Variants in PLCXD1 observed in about 807,000 individuals in gnomAD.
The protein encoded by PLCXD1 is PI-PLC X domain-containing protein 1.
In PLCXD1, 45 loss-of-function variants were observed where a neutral mutation model predicts 37.8. That is an observed-to-expected ratio of 1.19 (90% confidence interval 0.94 to 1.53). The LOEUF is 1.53. Among genes scored for constraint, PLCXD1 ranks in the 40% most tolerant of loss-of-function variants. The pLI is 0.00. For missense variants in PLCXD1, 539 were observed against 454.7 expected (o/e 1.19, Z -1.69); for synonymous variants, 246 against 206.9 (o/e 1.19, Z -1.62).
chrX:292,087 G>A (rs1365233766), intron 5 of PLCXD1, among the ~76,000 whole-genome samples: 2 of 152,066 alleles, frequency 1.3e-5, no homozygotes, highest in African/African-American at 4.8e-5. Flanking sequence ...GGATCACGAG[G>A]TCAAGAGATT....
upstream of PLCXD1, among the ~76,000 whole-genome samples, chrX:278,010 A>G (rs1417811562): frequency 4.4e-4 from 7 of 16,076 alleles, no homozygotes; most frequent in South Asian, 2.8e-3. Context: ...ATGTGAGGGG[A>G]GGGGTCAGGG....
chrX:279,942 C>T (rs1163794841), upstream of PLCXD1, among the ~76,000 whole-genome samples: 4 of 151,880 alleles, frequency 2.6e-5, no homozygotes, highest in African/African-American at 7.3e-5. Context: ...CTCCGCCTCC[C>T]GGGTTCAAGC....
At position 290,689 on chromosome X, in the gene PLCXD1, C is replaced by T. The variant is rs1363697237; in HGVS notation, c.306C>T (p.Tyr102=). ...VTEQLDAGVR[Y]LDLRIAHMLE... is the part of the protein sequence containing the mutation. ...AGCAGCTGGATGCCGGGGTGCGGTA[C>T]CTGGACCTGCGGATAGCCCACATGC... Residue 102 remains tyrosine (Y), a synonymous_variant, in exon 4 of 7, where the codon TAC becomes TAT. Coordinates refer to ENST00000381657, the MANE Select transcript of PLCXD1 (RefSeq NM_018390.4). 6.2e-7 allele frequency: 1 copy of T among 1,613,592 alleles called. No homozygotes were observed. The highest frequency in any genetic ancestry group is 1.7e-5 in the Admixed American group (1 of 59,988).
chrX:277,898 C>A (rs1157960119), upstream of PLCXD1, among the ~76,000 whole-genome samples: 17 of 45,620 alleles, frequency 3.7e-4, no homozygotes, highest in Non-Finnish European at 6.5e-4. Context: ...GGACACCCCT[C>A]AGTGGTCAGG....
upstream of PLCXD1, among the ~76,000 whole-genome samples, chrX:276,593 C>T (rs765744317): frequency 2.6e-5 from 4 of 152,186 alleles, no homozygotes; most frequent in Admixed American, 6.5e-5. Context: ...GTGGCCTGGA[C>T]GTTGGCAGCC....
intron 2 of PLCXD1, among the ~76,000 whole-genome samples, chrX:287,917 A>C (rs2069509368): frequency 6.6e-6 from 1 of 151,836 alleles, no homozygotes; most frequent in African/African-American, 2.4e-5. Context: ...ACAGAAATTT[A>C]CTCTCTCCCA....
upstream of PLCXD1, among the ~76,000 whole-genome samples, chrX:279,629 C>G (rs1180637133): frequency 6.6e-6 from 1 of 151,994 alleles, no homozygotes; most frequent in Non-Finnish European, 1.5e-5. Context: ...AAAAAATTAG[C>G]TGGGAATGGT....
chrX:290,361 C>T (rs1462645969), intron 3 of PLCXD1, among the ~76,000 whole-genome samples: 2 of 148,550 alleles, frequency 1.3e-5, no homozygotes, highest in Middle Eastern at 3.4e-3. Flanking sequence ...ACCCGGGAGG[C>T]GGAGCTTGCA....
At chrX:279,994 G>A (rs1248209853), upstream of PLCXD1, among the ~76,000 whole-genome samples, 3 of 152,056 alleles carry the variant, frequency 2.0e-5, no homozygotes, top group Non-Finnish European at 4.4e-5. Context: ...GACTACAGGC[G>A]CGCGCCAGCA....
intron 6 of PLCXD1, among the ~76,000 whole-genome samples, chrX:293,860 G>A (rs1382267496): frequency 2.0e-5 from 3 of 152,198 alleles, no homozygotes; most frequent in Non-Finnish European, 2.9e-5. Flanking sequence ...TGGTTGCCGG[G>A]GGCTGCGGAG....
In PLCXD1 at chrX:302,774, A is replaced by C. The variant is rs1393395530; in HGVS notation, c.*3439A>C. The C allele has an allele frequency of 6.6e-6, 1 of 151,902 alleles. No individual in the cohort carries two copies. The highest frequency in any genetic ancestry group is 1.5e-5 in the Non-Finnish European group (1 of 67,982). 9.4% of individuals were successfully genotyped at this position (151,902 alleles called of 1,614,324 possible). On this transcript the variant is annotated 3_prime_UTR_variant, in exon 7 of 7. Transcript: ENST00000381657. ...TGTTTAGCAGAGACGGGGTTTCACC[A>C]TGTTGGCCAGGCTGGTCTCGATCTC...
chrX:298,303 C>T (rs1179621022), intron 6 of PLCXD1, among the ~76,000 whole-genome samples: 5 of 23,210 alleles, frequency 2.2e-4, no homozygotes, highest in Admixed American at 4.1e-4. Context: ...ATTCTGTCTC[C>T]CACATGGGGA....
intron 5 of PLCXD1, 45 bp downstream of exon 5, chrX:291,699 C>T: frequency 6.3e-7 from 1 of 1,592,710 alleles, no homozygotes; most frequent in Non-Finnish European, 8.6e-7. Flanking sequence ...GGGGCAGGGG[C>T]ATCGTCAGCC....
chrX:290,798 A>G lies in PLCXD1; in HGVS notation c.393+22A>G, dbSNP rs1569564508. The stretch of plus-strand genomic sequence containing the variant: ...GGAGGTGCGGCCGGGCTGAGGTGGG[A>G]CGCAATGGGGAGAGTGGGAGGCGGC... On this transcript the variant is annotated intron_variant, in intron 4 of 6. Coordinates refer to ENST00000381657, the MANE Select transcript of PLCXD1 (RefSeq NM_018390.4). 4 of 1,608,772 alleles carry G rather than the reference A, an allele frequency of 2.5e-6. No individual in the cohort carries two copies. The East Asian group carries it at 6.7e-5, about 27-fold the overall frequency.
At position 284,213 on chromosome X, in the gene PLCXD1, A is replaced by T; in HGVS notation, c.26A>T (p.Asn9Ile). The T allele has an allele frequency of 6.2e-7, 1 of 1,613,426 alleles. No homozygotes were observed. Among genetic ancestry groups the T allele is most frequent in the South Asian group, 1.1e-5 (1 of 91,048 alleles). MGGQVSAS[N>I]SFSRLHCRNA... Reference sequence around the variant, plus strand: ...ATGGGTGGGCAGGTGAGCGCTTCCAACAGCTTCTCGAGGCTGCACTGCAGA... The same window carrying T: ...ATGGGTGGGCAGGTGAGCGCTTCCATCAGCTTCTCGAGGCTGCACTGCAGA... The change falls in exon 2 of 7, where the codon AAC becomes ATC. Residue 9 changes from asparagine (N) to isoleucine (I), a missense_variant. Asn to Ile is a moderately radical substitution (Grantham distance 149). Coordinates refer to ENST00000381657, the MANE Select transcript of PLCXD1 (RefSeq NM_018390.4).
upstream of PLCXD1, among the ~76,000 whole-genome samples, chrX:276,827 C>A (rs781530034): frequency 6.6e-6 from 1 of 152,174 alleles, no homozygotes; most frequent in Admixed American, 6.5e-5. Flanking sequence ...ATCTGAGCAC[C>A]CCTGTCCTTC....
intron 2 of PLCXD1, among the ~76,000 whole-genome samples, chrX:285,461 CACAT>C (rs1268303567): frequency 6.6e-6 from 1 of 152,154 alleles, no homozygotes; most frequent in Non-Finnish European, 1.5e-5. Context: ...CACACGTGCA[CACAT>C]AAACATTTGC....
At chrX:283,552 G>C (rs1413588184) in intron 1 of PLCXD1, 1 of 148,956 alleles carries the variant, frequency 6.7e-6, no homozygotes, top group African/African-American at 2.5e-5. Context: ...TCAGGCCCGG[G>C]TGGGGGCGGC....
chrX:287,211 A>G (rs965231139), intron 2 of PLCXD1, among the ~76,000 whole-genome samples: 3 of 147,130 alleles, frequency 2.0e-5, no homozygotes, highest in Admixed American at 6.9e-5. Flanking sequence ...ATATTTATAT[A>G]TAAACATACA....
Sources: allele counts gnomAD v4.1 joint callset (sites outside exome capture counted in the v4.1 genomes callset), GRCh38; gene constraint gnomAD v4.1.1; transcripts MANE v1.5; gene names NCBI Gene and HGNC (gene_info 2026-07-23, HGNC 2026-07-21).